Variants in NAALADL2 observed in about 807,000 individuals in gnomAD.
NAALADL2 encodes the protein N-acetylated alpha-linked acidic dipeptidase like 2.
NAALADL2 carries 76 observed loss-of-function variants against 87.2 expected under a neutral mutation model. The observed-to-expected ratio is 0.87, with a 90% CI of 0.72 to 1.05. NAALADL2 has a LOEUF of 1.05. NAALADL2 is among the 50% of genes least tolerant of loss of function. The probability of loss-of-function intolerance (pLI) is 0.00; values close to 1 mark genes in which losing one functional copy is unlikely to be tolerated. For missense variants in NAALADL2, 1,089 were observed against 945.8 expected, an observed-to-expected ratio of 1.15 and a Z score of -1.99; for synonymous variants, 354 against 331.0, an observed-to-expected ratio of 1.07 and a Z score of -0.75.
At chr3:174,887,161 C>T (rs1730260689) in intron 1 of NAALADL2, among the ~76,000 whole-genome samples, 1 of 152,110 alleles carries the variant, frequency 6.6e-6, no homozygotes, top group Non-Finnish European at 1.5e-5. Context: ...TAGATGGCCA[C>T]TCATTGAAGT....
intron 2 of NAALADL2, among the ~76,000 whole-genome samples, chr3:174,670,971 A>G (rs1248492017): frequency 6.6e-6 from 1 of 152,108 alleles, no homozygotes; most frequent in East Asian, 1.9e-4. Context: ...GTGGTTTAAA[A>G]GCATGTAGCA....
At chr3:174,706,329 A>C (rs1730063934) in intron 2 of NAALADL2, among the ~76,000 whole-genome samples, 1 of 152,244 alleles carries the variant, frequency 6.6e-6, no homozygotes, top group African/African-American at 2.4e-5. Context: ...GCCTAAATTT[A>C]AGAGGTAGAA....
chr3:174,764,974 T>G (rs1379169573), intron 3 of NAALADL2, among the ~76,000 whole-genome samples: 1 of 152,204 alleles, frequency 6.6e-6, no homozygotes, highest in African/African-American at 2.4e-5. Context: ...AAGTTATACA[T>G]GTACATGTTA....
chr3:175,267,598 T>G (rs1300184294), intron 4 of NAALADL2, among the ~76,000 whole-genome samples: 3 of 152,152 alleles, frequency 2.0e-5, no homozygotes, highest in African/African-American at 7.2e-5. Context: ...TTTAGTATGC[T>G]TCACATTGGA....
At chr3:174,810,909 C>A (rs1720108635) in intron 3 of NAALADL2, among the ~76,000 whole-genome samples, 1 of 152,174 alleles carries the variant, frequency 6.6e-6, no homozygotes, top group South Asian at 2.1e-4. Flanking sequence ...GGCCCTGCCA[C>A]CCTGTGCAGC....
chr3:175,469,170 C>T (rs1724524722), intron 8 of NAALADL2, among the ~76,000 whole-genome samples: 1 of 151,966 alleles, frequency 6.6e-6, no homozygotes, highest in Non-Finnish European at 1.5e-5. Context: ...AAATAATATA[C>T]ATTTGATTAT....
At chr3:174,968,533 G>T (rs1055148693) in intron 1 of NAALADL2, among the ~76,000 whole-genome samples, 1 of 152,068 alleles carries the variant, frequency 6.6e-6, no homozygotes, top group Admixed American at 6.6e-5. Flanking sequence ...AGGCTGCAGT[G>T]TAGTGACATG....
chr3:175,178,648 C>A (rs1237509037), intron 2 of NAALADL2, among the ~76,000 whole-genome samples: 1 of 151,978 alleles, frequency 6.6e-6, no homozygotes, highest in East Asian at 1.9e-4. Flanking sequence ...TAGAAACACA[C>A]ATTGCTAGTC....
At chr3:175,136,415 A>G (rs1311705547) in intron 2 of NAALADL2, among the ~76,000 whole-genome samples, 1 of 152,192 alleles carries the variant, frequency 6.6e-6, no homozygotes, top group East Asian at 1.9e-4. Context: ...AGTGCTTTCA[A>G]CTTTCTCCAA....
In NAALADL2 at chr3:175,736,791, T is replaced by C. The variant is rs535894164; in HGVS notation, c.1897-515T>C. Among the ~76,000 whole-genome samples, 234 of 152,356 alleles carry C rather than the reference T, an allele frequency of 1.5e-3. 1 individual carries two copies. The highest frequency in any genetic ancestry group is 5.2e-3 in the African/African-American group (218 of 41,582). The stretch of plus-strand genomic sequence containing the variant: ...AAAAATTCTTTACTCAGTGACAGGA[T>C]GTTACCATAAATCACAAGACAAGTT... On this transcript the variant is annotated intron_variant, in intron 11 of 13. Coordinates refer to ENST00000454872, the MANE Select transcript of NAALADL2 (RefSeq NM_207015.3).
intron 11 of NAALADL2, among the ~76,000 whole-genome samples, chr3:175,730,370 G>A (rs1238279830): frequency 7.7e-6 from 1 of 130,354 alleles, no homozygotes; most frequent in Non-Finnish European, 1.6e-5. Context: ...AGGTGCAAAA[G>A]AGTATTTTCA....
intron 11 of NAALADL2, among the ~76,000 whole-genome samples, chr3:175,672,034 C>CA (rs759312508): frequency 5.9e-5 from 9 of 151,938 alleles, no homozygotes; most frequent in African/African-American, 2.2e-4. Context: ...AAAGTGTTAC[C>CA]AAAAAAGATC....
chr3:174,968,752 C>A (rs1489219356), intron 1 of NAALADL2, among the ~76,000 whole-genome samples: 1 of 152,154 alleles, frequency 6.6e-6, no homozygotes, highest in African/African-American at 2.4e-5. Flanking sequence ...GCTGAGACTA[C>A]AGATGTGAGC....
chr3:174,557,554 G>T (rs1232501746), intron 2 of NAALADL2, among the ~76,000 whole-genome samples: 1 of 152,114 alleles, frequency 6.6e-6, no homozygotes, highest in Non-Finnish European at 1.5e-5. Flanking sequence ...AGGTACAGCT[G>T]TATTAGGATT....
chr3:175,810,293 A>G lies in NAALADL2; in HGVS notation c.*7090A>G, dbSNP rs1755069740. ...TTTTATGTGTTACTTACATGACTCAATATGCATCTTACTTAAGAAATTATG... is the reference window on the plus strand; with the variant it reads ...TTTTATGTGTTACTTACATGACTCAGTATGCATCTTACTTAAGAAATTATG... On this transcript the variant is annotated 3_prime_UTR_variant, in exon 14 of 14. Coordinates refer to ENST00000454872, the MANE Select transcript of NAALADL2 (RefSeq NM_207015.3). The G allele has an allele frequency of 6.6e-6, 1 of 152,058 alleles. No individual in the cohort carries two copies. Among genetic ancestry groups the G allele is most frequent in the Non-Finnish European group, 1.5e-5 (1 of 67,984 alleles). 9.4% of individuals were successfully genotyped at this position (152,058 alleles called of 1,614,324 possible). A position where few individuals can be genotyped will look rare whatever the true frequency, so the allele number is the denominator to read the frequency against.
chr3:175,079,157 T>TACTTGTGTTTTC (rs765987820), intron 1 of NAALADL2: 2 of 152,218 alleles, frequency 1.3e-5, no homozygotes, highest in Non-Finnish European at 2.9e-5. Flanking sequence ...TTGTGGTTTT[T>TACTTGTGTTTTC]ACTTGTGTTT....
At position 175,097,201 on chromosome 3, in the gene NAALADL2, C is replaced by T. The variant is rs1436102149; in HGVS notation, c.455C>T (p.Ser152Leu). Residue 152 changes from serine to leucine, a missense_variant, in exon 2 of 14, where the codon TCA becomes TTA. Transcript: ENST00000454872. ...TATTATGTACATACAAATTGCCCTTCAGATGCTCCATCTTCAGGAACAGTT... is the reference window on the plus strand; with the variant it reads ...TATTATGTACATACAAATTGCCCTTTAGATGCTCCATCTTCAGGAACAGTT... ...IGYYVHTNCP[S>L]DAPSSGTVDP... 5 of 1,613,170 alleles carry T rather than the reference C, an allele frequency of 3.1e-6. No homozygotes were observed. Among genetic ancestry groups the T allele is most frequent in the South Asian group, 1.1e-5 (1 of 91,070 alleles).
chr3:175,590,563 G>C (rs1721287710), intron 10 of NAALADL2, among the ~76,000 whole-genome samples: 1 of 152,050 alleles, frequency 6.6e-6, no homozygotes, highest in South Asian at 2.1e-4. Flanking sequence ...AATTTAGCAA[G>C]GTATGAATCT....
At chr3:174,561,169 A>G (rs1713561119) in intron 2 of NAALADL2, among the ~76,000 whole-genome samples, 2 of 150,898 alleles carry the variant, frequency 1.3e-5, no homozygotes, top group Non-Finnish European at 3.0e-5. Context: ...TGGAAGTAAG[A>G]GGGATTCTAG....
Sources: gnomAD v4.1 joint callset for allele counts (sites outside exome capture counted in the v4.1 genomes callset) on GRCh38, gnomAD v4.1.1 for gene constraint, MANE v1.5 for transcripts, NCBI Gene and HGNC (gene_info 2026-07-23, HGNC 2026-07-21) for gene names.